Variants in NLGN4Y observed in about 807,000 individuals in gnomAD.
NLGN4Y encodes the protein neuroligin-4, Y-linked.
A neutral mutation model predicts 8.4 loss-of-function variants in NLGN4Y; 4 were observed. The observed-to-expected ratio is 0.48, with a 90% CI of 0.23 to 1.09. The LOEUF is 1.09. NLGN4Y is among the 50% of genes least tolerant of loss of function. NLGN4Y has a pLI of 0.19. For missense variants in NLGN4Y, 90 were observed against 192.3 expected (o/e 0.47, Z 3.15); for synonymous variants, 35 against 75.6 (o/e 0.46, Z 2.78).
In NLGN4Y at chrY:14,843,058, C is replaced by A. The variant is rs2043232446; in HGVS notation, c.*1796C>A. 1 of 119,715 alleles carries A rather than the reference C, an allele frequency of 8.4e-6. No homozygotes were observed. 29.9% of individuals were successfully genotyped at this position (119,715 alleles called of 400,897 possible). On this transcript the variant is annotated 3_prime_UTR_variant, in exon 7 of 7. Transcript: ENST00000684976. Reference sequence around the variant, plus strand: ...AATGCCTCTACTAAAGTGGGGATTCCCCATAAAAATTGTCCAGCTACCTGA... The same window carrying A: ...AATGCCTCTACTAAAGTGGGGATTCACCATAAAAATTGTCCAGCTACCTGA...
intron 3 of NLGN4Y, among the ~76,000 whole-genome samples, chrY:14,722,824 G>T: frequency 1.1e-4 from 1 of 9,050 alleles, no homozygotes; most frequent in Non-Finnish European, 2.1e-4. Flanking sequence ...CCGAGATCCC[G>T]CCACTGCACT....
chrY:14,634,543 C>T, intron 2 of NLGN4Y, among the ~76,000 whole-genome samples: 1 of 33,453 alleles, frequency 3.0e-5, no homozygotes, highest in Non-Finnish European at 7.4e-5. Flanking sequence ...GCCAAGACCA[C>T]AGCAGGGCAC....
chrY:14,526,810 A>C (rs756156691), intron 1 of NLGN4Y, among the ~76,000 whole-genome samples: 1 of 33,195 alleles, frequency 3.0e-5, no homozygotes, highest in East Asian at 7.8e-4. Flanking sequence ...TTGGTAAGGG[A>C]CTAGTGGCTG....
chrY:14,776,482 T>C, intron 4 of NLGN4Y, among the ~76,000 whole-genome samples: 1 of 31,244 alleles, frequency 3.2e-5, no homozygotes, highest in Non-Finnish European at 7.7e-5. Flanking sequence ...GTGCAGAACA[T>C]TTTATTCATA....
intron 1 of NLGN4Y, among the ~76,000 whole-genome samples, chrY:14,583,887 T>G: frequency 3.0e-5 from 1 of 33,797 alleles, no homozygotes; most frequent in African/African-American, 1.2e-4. Flanking sequence ...TTGGGGAAGA[T>G]TCCCCACAAA....
At chrY:14,606,487 G>A (rs2080446895) in intron 1 of NLGN4Y, among the ~76,000 whole-genome samples, 1 of 33,537 alleles carries the variant, frequency 3.0e-5, no homozygotes, top group African/African-American at 1.2e-4. Context: ...TTCATGATAA[G>A]ACCCAAATAC....
intron 4 of NLGN4Y, among the ~76,000 whole-genome samples, chrY:14,728,324 T>C (rs2080961858): frequency 2.9e-5 from 1 of 33,906 alleles, no homozygotes; most frequent in African/African-American, 1.1e-4. Context: ...AACTACCATA[T>C]GTGATCCAAC....
At chrY:14,556,690 G>C in intron 1 of NLGN4Y, among the ~76,000 whole-genome samples, 1 of 33,220 alleles carries the variant, frequency 3.0e-5, no homozygotes, top group Non-Finnish European at 7.4e-5. Flanking sequence ...TCCTTGTTCT[G>C]TCATCTTTTT....
intron 2 of NLGN4Y, among the ~76,000 whole-genome samples, chrY:14,698,881 T>C (rs2080840531): frequency 6.0e-5 from 2 of 33,205 alleles, no homozygotes; most frequent in African/African-American, 2.3e-4. Context: ...ATCTCAAACA[T>C]TGATCATTTA....
intron 1 of NLGN4Y, among the ~76,000 whole-genome samples, chrY:14,577,687 C>A: frequency 1.2e-4 from 4 of 33,928 alleles, no homozygotes; most frequent in Non-Finnish European, 2.2e-4. Flanking sequence ...ATTCTAGGTC[C>A]TTGAGGAATC....
At chrY:14,836,639 T>G (rs2043198577) in intron 6 of NLGN4Y, among the ~76,000 whole-genome samples, 19 of 31,501 alleles carry the variant, frequency 6.0e-4, no homozygotes, top group Admixed American at 5.7e-4. Flanking sequence ...GATTACAAGC[T>G]CCCATCAGTG....
intron 1 of NLGN4Y, among the ~76,000 whole-genome samples, chrY:14,565,964 G>T (rs536845230): frequency 1.2e-4 from 4 of 33,197 alleles, no homozygotes; most frequent in African/African-American, 4.7e-4. Flanking sequence ...TTACAGACAA[G>T]CATAGGCTGA....
chrY:14,843,991 G>C lies in NLGN4Y; in HGVS notation c.*2729G>C. The C allele has an allele frequency of 8.5e-6, 1 of 118,225 alleles. No individual in the cohort carries two copies. The allele number at this position is 118,225 out of a possible 400,897, so 29.5% of individuals were successfully genotyped here. On this transcript the variant is annotated 3_prime_UTR_variant, in exon 7 of 7. Coordinates refer to ENST00000684976, the MANE Select transcript of NLGN4Y (RefSeq NM_001365588.1). ...AACAATTATGCATCTGTTCTTTCTTGGTAGGTGGAATATTTTATTTACTTT... is the reference window on the plus strand; with the variant it reads ...AACAATTATGCATCTGTTCTTTCTTCGTAGGTGGAATATTTTATTTACTTT...
intron 2 of NLGN4Y, among the ~76,000 whole-genome samples, chrY:14,716,469 T>C: frequency 3.0e-5 from 1 of 33,527 alleles, no homozygotes; most frequent in Non-Finnish European, 7.4e-5. Flanking sequence ...TTAACACTTA[T>C]TATACCCAAA....
At chrY:14,800,237 G>T in intron 4 of NLGN4Y, among the ~76,000 whole-genome samples, 1 of 32,867 alleles carries the variant, frequency 3.0e-5, no homozygotes, top group Non-Finnish European at 7.5e-5. Flanking sequence ...GCAGGACCCA[G>T]GAATACATTA....
chrY:14,554,886 G>A (rs755615324), intron 1 of NLGN4Y, among the ~76,000 whole-genome samples: 1 of 33,112 alleles, frequency 3.0e-5, no homozygotes, highest in African/African-American at 1.2e-4. Flanking sequence ...GAGTGCGAAA[G>A]TATCATAATA....
chrY:14,760,596 G>A (rs926655903), intron 4 of NLGN4Y, among the ~76,000 whole-genome samples: 2 of 33,735 alleles, frequency 5.9e-5, no homozygotes, highest in Admixed American at 2.7e-4. Flanking sequence ...ATCTCAAAGC[G>A]TGACACTTTT....
intron 2 of NLGN4Y, among the ~76,000 whole-genome samples, chrY:14,677,950 T>G: frequency 3.1e-5 from 1 of 32,339 alleles, no homozygotes; most frequent in Non-Finnish European, 7.5e-5. Context: ...GTATCAAATT[T>G]CTGGGCTCAA....
At chrY:14,532,265 G>A (rs770418346) in intron 1 of NLGN4Y, among the ~76,000 whole-genome samples, 54 of 32,685 alleles carry the variant, frequency 1.7e-3, no homozygotes, top group South Asian at 2.8e-3. Context: ...CGGGGTGGGA[G>A]GTGGTGATGT....
Sources: allele counts gnomAD v4.1 joint callset (sites outside exome capture counted in the v4.1 genomes callset), GRCh38; gene constraint gnomAD v4.1.1; transcripts MANE v1.5; gene names NCBI Gene and HGNC (gene_info 2026-07-23, HGNC 2026-07-21).